NDUFS4: variants seen among roughly 807,000 people sequenced by gnomAD.
NDUFS4 encodes NADH:ubiquinone oxidoreductase subunit S4.
In NDUFS4, 28 loss-of-function variants were observed where a neutral mutation model predicts 24.3. The ratio of observed to expected loss-of-function variants is 1.15; its 90% CI spans 0.85 to 1.58. The LOEUF is 1.58. Ranked by LOEUF, NDUFS4 falls within the 40% of genes most tolerant of loss-of-function variation. The pLI is 0.00. For missense variants in NDUFS4, 223 were observed against 207.9 expected (o/e 1.07, Z -0.45); for synonymous variants, 93 against 69.7 (o/e 1.34, Z -1.67).
At chr5:53,647,689 G>T (rs1294946725) in intron 3 of NDUFS4, among the ~76,000 whole-genome samples, 1 of 152,156 alleles carries the variant, frequency 6.6e-6, no homozygotes, top group Non-Finnish European at 1.5e-5. Flanking sequence ...CTAGAAAATT[G>T]TCATTCGTAT....
At chr5:53,644,076 A>G (rs574377679) in intron 2 of NDUFS4, among the ~76,000 whole-genome samples, 156 of 152,316 alleles carry the variant, frequency 1.0e-3, no homozygotes, top group African/African-American at 3.6e-3. Flanking sequence ...GTTTTATAGT[A>G]TAAATCAAGA....
At chr5:53,623,464 T>A (rs1224571525) in intron 2 of NDUFS4, among the ~76,000 whole-genome samples, 1 of 152,222 alleles carries the variant, frequency 6.6e-6, no homozygotes, top group Non-Finnish European at 1.5e-5. Flanking sequence ...ATTAGGTGTT[T>A]GTTTTTTTGT....
chr5:53,629,154 A>G (rs1751321449), intron 2 of NDUFS4, among the ~76,000 whole-genome samples: 1 of 152,144 alleles, frequency 6.6e-6, no homozygotes, highest in East Asian at 1.9e-4. Context: ...GTCATTCAGG[A>G]GGAGGTTGTT....
At chr5:53,588,816 A>G (rs561179422) in intron 1 of NDUFS4, among the ~76,000 whole-genome samples, 9 of 152,054 alleles carry the variant, frequency 5.9e-5, no homozygotes, top group Non-Finnish European at 1.2e-4. Flanking sequence ...ACCATATTTT[A>G]TTTTTGAATT....
intron 1 of NDUFS4, 73 bp downstream of exon 1, chr5:53,560,833 T>G: frequency 6.2e-7 from 1 of 1,607,430 alleles, no homozygotes; most frequent in South Asian, 1.1e-5. Context: ...GCTGGCTGAG[T>G]TCCGGAGGAG....
chr5:53,622,067 T>G (rs1446264294), intron 2 of NDUFS4, among the ~76,000 whole-genome samples: 1 of 152,174 alleles, frequency 6.6e-6, no homozygotes. Flanking sequence ...GAAAAATCTT[T>G]TGTACTTACT....
intron 2 of NDUFS4, among the ~76,000 whole-genome samples, chr5:53,605,081 C>T (rs564280398): frequency 1.3e-5 from 2 of 152,158 alleles, no homozygotes; most frequent in Middle Eastern, 3.4e-3. Flanking sequence ...ATTAGCTGGG[C>T]GTGGTGGCGG....
chr5:53,662,131 G>A (rs1221115174), intron 4 of NDUFS4, among the ~76,000 whole-genome samples: 1 of 152,112 alleles, frequency 6.6e-6, no homozygotes, highest in African/African-American at 2.4e-5. Context: ...TTGGCTGTGG[G>A]TTTGTCATAG....
At chr5:53,605,953 G>T (rs895629621) in intron 2 of NDUFS4, among the ~76,000 whole-genome samples, 9 of 150,796 alleles carry the variant, frequency 6.0e-5, no homozygotes, top group Non-Finnish European at 1.0e-4. Context: ...GGCAGAGCTT[G>T]CAGTGAGCCA....
At chr5:53,645,635 T>C (rs1561383314) in intron 2 of NDUFS4, among the ~76,000 whole-genome samples, 1 of 152,212 alleles carries the variant, frequency 6.6e-6, no homozygotes. Flanking sequence ...TGTTTGATTG[T>C]ATCATTCTCT....
intron 1 of NDUFS4, among the ~76,000 whole-genome samples, chr5:53,586,361 A>T (rs1749754976): frequency 6.6e-6 from 1 of 151,892 alleles, no homozygotes; most frequent in African/African-American, 2.4e-5. Context: ...CAAAACAAAA[A>T]ACTCAAATAA....
At chr5:53,578,531 A>C (rs113297595) in intron 1 of NDUFS4, among the ~76,000 whole-genome samples, 29 of 152,276 alleles carry the variant, frequency 1.9e-4, no homozygotes, top group African/African-American at 5.8e-4. Flanking sequence ...CACATTTTAG[A>C]GTCAACTCTA....
At chr5:53,566,772 T>A (rs1281216195) in intron 1 of NDUFS4, among the ~76,000 whole-genome samples, 1 of 152,116 alleles carries the variant, frequency 6.6e-6, no homozygotes, top group Non-Finnish European at 1.5e-5. Context: ...TATCCTGTAT[T>A]CTTTAGGAAA....
intron 2 of NDUFS4, among the ~76,000 whole-genome samples, chr5:53,628,550 T>TG (rs1751299906): frequency 6.6e-6 from 1 of 152,178 alleles, no homozygotes; most frequent in African/African-American, 2.4e-5. Context: ...TGCCCCAATT[T>TG]TAGAATCCGT....
At position 53,615,165 on chromosome 5, in the gene NDUFS4, G is replaced by C. The variant is rs1012434914; in HGVS notation, c.177+11635G>C. Among the ~76,000 whole-genome samples, 10 of 151,766 alleles carry C rather than the reference G, an allele frequency of 6.6e-5. No homozygotes were observed. In the South Asian group the frequency reaches 1.0e-3, roughly 16 times the overall value. On this transcript the variant is annotated intron_variant, in intron 2 of 4. Coordinates refer to ENST00000296684, the MANE Select transcript of NDUFS4 (RefSeq NM_002495.4). Reference sequence around the variant, plus strand: ...GTTTTGGTCTTTTTGGTAGTAAATAGTACTTTGTTTTTAAAGTTATAGCTC... The same window carrying C: ...GTTTTGGTCTTTTTGGTAGTAAATACTACTTTGTTTTTAAAGTTATAGCTC...
At chr5:53,647,003 T>A (rs1357445108) in intron 3 of NDUFS4, among the ~76,000 whole-genome samples, 1 of 151,948 alleles carries the variant, frequency 6.6e-6, no homozygotes, top group Admixed American at 6.6e-5. Context: ...TCCAAGATAC[T>A]GTAAGAATGG....
In NDUFS4 at chr5:53,671,739, A is replaced by G. The variant is rs545624622; in HGVS notation, c.425-11379A>G. The stretch of plus-strand genomic sequence containing the variant: ...AAGCTACATCATGGAGAGAGGAGGT[A>G]GAAGACAGCTGTGGAAAATTTGGAT... On this transcript the variant is annotated intron_variant, in intron 4 of 4. Transcript: ENST00000296684. 2.0e-5 allele frequency among the ~76,000 whole-genome samples: 3 copies of G among 152,300 alleles called. No individual in the cohort carries two copies. The South Asian group carries it at 6.2e-4, about 32-fold the overall frequency.
chr5:53,618,642 C>T (rs569206703), intron 2 of NDUFS4, among the ~76,000 whole-genome samples: 6 of 152,244 alleles, frequency 3.9e-5, no homozygotes, highest in African/African-American at 1.4e-4. Flanking sequence ...TTCTGACAAT[C>T]AACTATGTAA....
chr5:53,581,625 C>T (rs1451085579), intron 1 of NDUFS4, among the ~76,000 whole-genome samples: 1 of 152,110 alleles, frequency 6.6e-6, no homozygotes, highest in Non-Finnish European at 1.5e-5. Flanking sequence ...CCGGCCTACC[C>T]CCAACACCCT....
Sources: allele counts gnomAD v4.1 joint callset (sites outside exome capture counted in the v4.1 genomes callset), GRCh38; gene constraint gnomAD v4.1.1; transcripts MANE v1.5; gene names NCBI Gene and HGNC (gene_info 2026-07-23, HGNC 2026-07-21).